LDLRAD4: variants seen among roughly 807,000 people sequenced by gnomAD.
The protein encoded by LDLRAD4 is low-density lipoprotein receptor class A domain-containing protein 4.
In LDLRAD4, 5 loss-of-function variants were observed where a neutral mutation model predicts 17.0. That is an observed-to-expected ratio of 0.29 (90% CI 0.15 to 0.62). LDLRAD4 has a LOEUF of 0.62. Ranked by LOEUF, LDLRAD4 falls within the 20% of genes least tolerant of loss-of-function variation. The pLI is 0.84. For synonymous variants in LDLRAD4, 168 were observed against 171.8 expected, an observed-to-expected ratio of 0.98 and a Z score of 0.17; for missense variants, 340 against 424.7, an observed-to-expected ratio of 0.80 and a Z score of 1.75.
chr18:13,229,744 A>G (rs1283047529), intron 1 of LDLRAD4, among the ~76,000 whole-genome samples: 1 of 151,862 alleles, frequency 6.6e-6, no homozygotes, highest in Non-Finnish European at 1.5e-5. Context: ...TCCTGTGTGC[A>G]TTTTTATGGA....
At chr18:13,416,148 G>C (rs1194542467) in intron 2 of LDLRAD4, among the ~76,000 whole-genome samples, 1 of 152,204 alleles carries the variant, frequency 6.6e-6, no homozygotes, top group Non-Finnish European at 1.5e-5. Context: ...GCTATTCTGA[G>C]CTATGGCGAG....
chr18:13,531,911 G>A (rs1488762308), intron 3 of LDLRAD4, among the ~76,000 whole-genome samples: 5 of 152,148 alleles, frequency 3.3e-5, no homozygotes, highest in Non-Finnish European at 7.4e-5. Context: ...GCTGGGGGGC[G>A]GCCTGGCCCT....
At position 13,320,455 on chromosome 18, in the gene LDLRAD4, C is replaced by T. The variant is rs73419378; in HGVS notation, c.-383+42267C>T. Among the ~76,000 whole-genome samples the T allele has an allele frequency of 9.7e-3, 1,484 of 152,292 alleles. 14 individuals carry two copies. The highest frequency in any genetic ancestry group is 0.025 in the African/African-American group (1,059 of 41,542). ...ACCCTGTCTGAGCCTGCTGCTCTCC[C>T]CCTGGGACTGCAGTGACCAGTGCTC... is the stretch of plus-strand genomic sequence containing the variant. On this transcript the variant is annotated intron_variant, in intron 1 of 5. Coordinates refer to ENST00000359446, the Ensembl canonical transcript of LDLRAD4.
intron 3 of LDLRAD4, chr18:13,472,590 G>C (rs1473638803): frequency 6.6e-6 from 1 of 152,176 alleles, no homozygotes; most frequent in African/African-American, 2.4e-5. Flanking sequence ...CCTCTGTCCT[G>C]TTCACCCACC....
Position 13,344,722 on chromosome 18 carries a change from T to G in LDLRAD4, c.-382-42619T>G, listed in dbSNP as rs530501051. On this transcript the variant is annotated intron_variant, in intron 1 of 5. Transcript: ENST00000359446. ...ATTCTTCTTACCCATGAGCATGGAA[T>G]GTTCTTCCATTTGTTTGTATCCTCT... Among the ~76,000 whole-genome samples, 48 of 152,362 alleles carry G rather than the reference T, an allele frequency of 3.2e-4. No individual in the cohort carries two copies. The East Asian group carries it at 8.7e-3, about 28-fold the overall frequency.
intron 3 of LDLRAD4, chr18:13,612,545 A>ACC (rs11311417): frequency 2.3e-4 from 295 of 1,298,962 alleles, no homozygotes; most frequent in South Asian, 1.7e-3. Flanking sequence ...ACAGAAACAC[A>ACC]CCCCCCCCCC....
intron 2 of LDLRAD4, among the ~76,000 whole-genome samples, chr18:13,412,651 G>A (rs2088487610): frequency 6.6e-6 from 1 of 152,154 alleles, no homozygotes; most frequent in Non-Finnish European, 1.5e-5. Flanking sequence ...GACTGAACTA[G>A]CTATATAATT....
At chr18:13,640,467 G>T (rs2042449543) in intron 4 of LDLRAD4, among the ~76,000 whole-genome samples, 1 of 152,200 alleles carries the variant, frequency 6.6e-6, no homozygotes, top group Non-Finnish European at 1.5e-5. Context: ...CCCAAGGCAG[G>T]AATGGCCTGA....
At position 13,621,199 on chromosome 18, in the gene LDLRAD4, C is replaced by T. The variant is rs752965440; in HGVS notation, c.264C>T (p.His88=). The change falls in exon 4 of 6, where the codon CAC becomes CAT. Residue 88 remains histidine, a synonymous_variant. Transcript: ENST00000359446. This position sits in a 1 kb window ranked among gnomAD's most constrained non-coding sequence, Gnocchi z 5.5. ...TGGTCATCGTCTGCCTGCTGAACCA[C>T]TACAAAGTCTCCACGCGGTCCTTCA... 31 of 1,614,206 alleles carry T rather than the reference C, an allele frequency of 1.9e-5. 1 individual carries two copies. In the South Asian group the frequency reaches 3.3e-4, roughly 17 times the overall value.
chr18:13,631,819 C>T (rs1410623766), intron 4 of LDLRAD4, among the ~76,000 whole-genome samples: 1 of 151,982 alleles, frequency 6.6e-6, no homozygotes, highest in African/African-American at 2.4e-5. Flanking sequence ...CCCAACTACT[C>T]GGGAGGCTGA....
At chr18:13,306,289 C>T (rs1329483367) in intron 1 of LDLRAD4, among the ~76,000 whole-genome samples, 1 of 152,212 alleles carries the variant, frequency 6.6e-6, no homozygotes, top group African/African-American at 2.4e-5. Flanking sequence ...ACACCAGCTG[C>T]CAGTCTTTTG....
At chr18:13,337,468 CT>C (rs1287243403) in intron 1 of LDLRAD4, among the ~76,000 whole-genome samples, 15 of 152,030 alleles carry the variant, frequency 9.9e-5, no homozygotes, top group African/African-American at 2.9e-4. Context: ...TGTCTTTTTG[CT>C]TTTGTTTGAT....
intron 3 of LDLRAD4, among the ~76,000 whole-genome samples, chr18:13,619,030 C>T (rs1417073853): frequency 6.6e-6 from 1 of 152,238 alleles, no homozygotes; most frequent in Non-Finnish European, 1.5e-5. Context: ...TGGCTGTCCT[C>T]ACAGAGAACA....
upstream of LDLRAD4, chr18:13,217,996 CGCGCCCCGCACA>C (rs2041250427): frequency 6.6e-6 from 1 of 150,864 alleles, no homozygotes; most frequent in African/African-American, 2.4e-5. This position sits in a 1 kb window ranked among gnomAD's most constrained non-coding sequence, Gnocchi z 4.9. Context: ...CGCCCCCTGC[CGCGCCCCGCACA>C]GCGCCCCTCC....
intron 1 of LDLRAD4, among the ~76,000 whole-genome samples, chr18:13,318,799 A>G (rs915372585): frequency 1.3e-5 from 2 of 152,114 alleles, no homozygotes; most frequent in African/African-American, 4.8e-5. Context: ...ACCCTGGGTG[A>G]TGGAGCTCCT....
In LDLRAD4 at chr18:13,470,380, G is replaced by A. The variant is rs1175781454; in HGVS notation, c.181+31996G>A. 2.0e-5 allele frequency among the ~76,000 whole-genome samples: 3 copies of A among 151,868 alleles called. No individual in the cohort carries two copies. In the East Asian group the frequency reaches 5.8e-4, roughly 29 times the overall value. On this transcript the variant is annotated intron_variant, in intron 3 of 5. Transcript: ENST00000359446. ...CACTTTGGAAGTGTGTATAAGGATG[G>A]TTAGAAAATCATACTGTCAGGTTGA...
intron 2 of LDLRAD4, among the ~76,000 whole-genome samples, chr18:13,405,141 A>G (rs1234003416): frequency 6.6e-6 from 1 of 151,694 alleles, no homozygotes; most frequent in Non-Finnish European, 1.5e-5. Flanking sequence ...TATTATGTAT[A>G]ATATTAATAT....
chr18:13,642,961 A>C (rs1296059977), intron 4 of LDLRAD4, among the ~76,000 whole-genome samples: 1 of 142,542 alleles, frequency 7.0e-6, no homozygotes, highest in African/African-American at 2.7e-5. Flanking sequence ...TTTGATACGG[A>C]GTCTCACTCT....
chr18:13,638,920 G>A (rs146634718), intron 4 of LDLRAD4, among the ~76,000 whole-genome samples: 6 of 152,110 alleles, frequency 3.9e-5, no homozygotes, highest in African/African-American at 7.2e-5. Flanking sequence ...ACTGAGACCC[G>A]CTGCAAGGAA....
Sources: gnomAD v4.1 joint callset for allele counts (sites outside exome capture counted in the v4.1 genomes callset) on GRCh38, gnomAD v4.1.1 for gene constraint, Gnocchi (gnomAD v3.1) non-coding constraint, MANE v1.5 for transcripts, NCBI Gene and HGNC (gene_info 2026-07-23, HGNC 2026-07-21) for gene names.